Variants in ATP9B observed in about 807,000 individuals in gnomAD.
ATP9B encodes ATPase phospholipid transporting 9B.
In ATP9B, 110 loss-of-function variants were observed where a neutral mutation model predicts 146.1. The ratio of observed to expected loss-of-function variants is 0.75; its 90% CI spans 0.65 to 0.88. The LOEUF is 0.88. Among genes scored for constraint, ATP9B ranks in the 40% least tolerant of loss-of-function variants. The pLI, the probability that ATP9B is intolerant of heterozygous loss-of-function variation, is 0.00. For synonymous variants in ATP9B, 604 were observed against 569.7 expected, an observed-to-expected ratio of 1.06 and a Z score of -0.86; for missense variants, 1,499 against 1,496.4, an observed-to-expected ratio of 1.00 and a Z score of -0.03.
intron 25 of ATP9B, among the ~76,000 whole-genome samples, chr18:79,348,714 G>T (rs541220047): frequency 6.6e-6 from 1 of 152,250 alleles, no homozygotes; most frequent in African/African-American, 2.4e-5. Context: ...GGTGGCTCAC[G>T]CCTGTAATCC....
chr18:79,320,793 CTCCGGGATG>C (rs2096711288), intron 15 of ATP9B, among the ~76,000 whole-genome samples: 1 of 99,686 alleles, frequency 1.0e-5, no homozygotes, highest in South Asian at 5.4e-4. Flanking sequence ...TACTAGGAAA[CTCCGGGATG>C]CTGTGGGTTT....
intron 11 of ATP9B, among the ~76,000 whole-genome samples, chr18:79,233,865 ATAAAG>A (rs1307495990): frequency 2.0e-5 from 3 of 152,384 alleles, no homozygotes; most frequent in East Asian, 3.9e-4. Flanking sequence ...TATTCTTACA[ATAAAG>A]TAAACTACAG....
At chr18:79,253,706 G>A (rs1165133708) in intron 12 of ATP9B, 165 bp downstream of exon 12, 1 of 711,780 alleles carries the variant, frequency 1.4e-6, no homozygotes, top group Non-Finnish European at 2.2e-6. Flanking sequence ...ATGTTGTTGG[G>A]GGAGACGTCA....
At chr18:79,218,065 A>G (rs1356625049) in intron 11 of ATP9B, among the ~76,000 whole-genome samples, 1 of 152,242 alleles carries the variant, frequency 6.6e-6, no homozygotes, top group Admixed American at 6.5e-5. Context: ...TCATGCTCTG[A>G]TAATAAAGTG....
chr18:79,377,632 TCAC>T lies in ATP9B; in HGVS notation c.*251_*253del, dbSNP rs2097109367. On this transcript the variant is annotated 3_prime_UTR_variant, in exon 30 of 30. Transcript: ENST00000426216. Reference sequence around the variant, plus strand: ...GGCTTCTCCCTCTCAGTGCGAGGCTTCACCCCTGCCAGGCAAGCCCAGGGCATA... The same window carrying T: ...GGCTTCTCCCTCTCAGTGCGAGGCTTCCCTGCCAGGCAAGCCCAGGGCATA... 3.9e-6 allele frequency: 2 copies of T among 511,586 alleles called. No homozygotes were observed. The highest frequency in any genetic ancestry group is 6.9e-6 in the Non-Finnish European group (2 of 289,642). The allele number at this position is 511,586 out of a possible 1,614,324, so 31.7% of individuals were successfully genotyped here. A position where few individuals can be genotyped will look rare whatever the true frequency, so the allele number is the denominator to read the frequency against.
chr18:79,232,709 C>T (rs1427091965), intron 11 of ATP9B, among the ~76,000 whole-genome samples: 1 of 152,090 alleles, frequency 6.6e-6, no homozygotes, highest in Non-Finnish European at 1.5e-5. Flanking sequence ...CTGTGATGCA[C>T]ATGTTAAGGG....
At chr18:79,087,013 T>C (rs1458391803) in intron 1 of ATP9B, among the ~76,000 whole-genome samples, 4 of 152,238 alleles carry the variant, frequency 2.6e-5, no homozygotes, top group Non-Finnish European at 5.9e-5. Context: ...GACTAGATAA[T>C]TTATAAAGAA....
At chr18:79,348,564 T>C (rs1355552566) in intron 25 of ATP9B, among the ~76,000 whole-genome samples, 2 of 152,214 alleles carry the variant, frequency 1.3e-5, no homozygotes, top group African/African-American at 4.8e-5. Flanking sequence ...CTTCATCCTG[T>C]TGTGCGGCGT....
intron 5 of ATP9B, among the ~76,000 whole-genome samples, chr18:79,138,210 A>G (rs1351208890): frequency 2.0e-5 from 3 of 152,334 alleles, no homozygotes; most frequent in South Asian, 2.1e-4. Context: ...AGAATTAGCT[A>G]GAAGATAGCA....
chr18:79,277,941 A>G (rs2096332104), intron 13 of ATP9B, among the ~76,000 whole-genome samples: 1 of 152,254 alleles, frequency 6.6e-6, no homozygotes, highest in East Asian at 1.9e-4. Context: ...TAAATAGTAG[A>G]AAAATCCTCA....
intron 4 of ATP9B, among the ~76,000 whole-genome samples, chr18:79,118,501 T>C (rs921496456): frequency 2.1e-5 from 3 of 146,226 alleles, no homozygotes; most frequent in Non-Finnish European, 4.5e-5. Flanking sequence ...CCCGGGTTCA[T>C]GCCATTCTCC....
At chr18:79,092,879 G>A (rs1054417552) in intron 1 of ATP9B, among the ~76,000 whole-genome samples, 4 of 152,012 alleles carry the variant, frequency 2.6e-5, no homozygotes, top group Non-Finnish European at 4.4e-5. Context: ...AATAGAAAAT[G>A]TCTGATCTAA....
At chr18:79,327,647 A>AGCG (rs1472036827) in intron 15 of ATP9B, among the ~76,000 whole-genome samples, 9,440 of 28,354 alleles carry the variant, frequency 0.33, 3,266 homozygotes, top group East Asian at 0.47. Context: ...CCTGGTTAGC[A>AGCG]TGCTCTCCGT....
chr18:79,159,078 C>G (rs2094838311), intron 7 of ATP9B, among the ~76,000 whole-genome samples: 1 of 152,178 alleles, frequency 6.6e-6, no homozygotes, highest in Admixed American at 6.5e-5. Flanking sequence ...ATGCACCTCT[C>G]TTTTGGTTAC....
Position 79,271,319 on chromosome 18 carries a change from T to C in ATP9B, c.1269-5735T>C, listed in dbSNP as rs376345892. 2.4e-3 allele frequency among the ~76,000 whole-genome samples: 362 copies of C among 152,278 alleles called. 2 individuals are homozygous for C. Among genetic ancestry groups the C allele is most frequent in the South Asian group, 6.4e-3 (31 of 4,820 alleles). On this transcript the variant is annotated intron_variant, in intron 12 of 29. Coordinates refer to ENST00000426216, the MANE Select transcript of ATP9B (RefSeq NM_198531.5). Reference sequence around the variant, plus strand: ...TTGTTACATATGTATACATGTGTCATGTTGGTGTGCTGCACCCATTAACTT... The same window carrying C: ...TTGTTACATATGTATACATGTGTCACGTTGGTGTGCTGCACCCATTAACTT...
chr18:79,289,448 C>G (rs2096479338), intron 13 of ATP9B, among the ~76,000 whole-genome samples: 1 of 152,210 alleles, frequency 6.6e-6, no homozygotes, highest in Non-Finnish European at 1.5e-5. Flanking sequence ...GTTCTCGAGA[C>G]TTGGCTTTCA....
rs1295369549 is a variant in ATP9B at position 79,100,171 on chromosome 18, G to A, written c.293+3522G>A. Among the ~76,000 whole-genome samples the A allele has an allele frequency of 3.3e-5, 5 of 152,242 alleles. No homozygotes were observed. In the South Asian group the frequency reaches 6.2e-4, roughly 19 times the overall value. On this transcript the variant is annotated intron_variant, in intron 2 of 29. Transcript: ENST00000426216. ...CAGTGTTTGTAATGTGTTGAGACTCGCTTTATGGTTCATCATATAGACAAC... is the reference window on the plus strand; with the variant it reads ...CAGTGTTTGTAATGTGTTGAGACTCACTTTATGGTTCATCATATAGACAAC...
chr18:79,108,579 G>C (rs373002960), intron 2 of ATP9B, among the ~76,000 whole-genome samples: 1 of 152,152 alleles, frequency 6.6e-6, no homozygotes, highest in Non-Finnish European at 1.5e-5. Flanking sequence ...TGTGTGCTGC[G>C]GTAGAAGTTC....
intron 11 of ATP9B, among the ~76,000 whole-genome samples, chr18:79,250,900 C>T (rs1020811757): frequency 4.6e-5 from 7 of 152,104 alleles, no homozygotes; most frequent in Admixed American, 4.6e-4. Flanking sequence ...CTGCTGTGGA[C>T]GTTTTACTTG....
Sources: allele counts gnomAD v4.1 joint callset (sites outside exome capture counted in the v4.1 genomes callset), GRCh38; gene constraint gnomAD v4.1.1; transcripts MANE v1.5; gene names NCBI Gene and HGNC (gene_info 2026-07-23, HGNC 2026-07-21).